TPRG1: variants seen among roughly 807,000 people sequenced by gnomAD.
TPRG1 encodes the protein tumor protein p63 regulated 1.
In TPRG1, 29 loss-of-function variants were observed where a neutral mutation model predicts 29.3. The ratio of observed to expected loss-of-function variants is 0.99; its 90% CI spans 0.74 to 1.35. TPRG1 has a LOEUF of 1.35. TPRG1 is among the 40% of genes most tolerant of loss of function. The pLI, the probability that TPRG1 is intolerant of heterozygous loss-of-function variation, is 0.00. For synonymous variants in TPRG1, 130 were observed against 116.8 expected (o/e 1.11, Z -0.73); for missense variants, 327 against 335.0 (o/e 0.98, Z 0.19).
intron 4 of TPRG1, among the ~76,000 whole-genome samples, chr3:189,072,410 AAAAC>A (rs1044749999): frequency 5.3e-5 from 8 of 152,314 alleles, no homozygotes; most frequent in African/African-American, 1.7e-4. Context: ...ATAATTTTGA[AAAAC>A]AAAGCTCAGA....
intron 3 of TPRG1, among the ~76,000 whole-genome samples, chr3:189,224,493 AC>A (rs1476366398): frequency 0.014 from 2,085 of 151,974 alleles, 48 homozygotes; most frequent in African/African-American, 0.049. Flanking sequence ...AACAACAACA[AC>A]AACAAAAAAA....
chr3:189,233,350 T>A (rs970539629), intron 3 of TPRG1, among the ~76,000 whole-genome samples: 1 of 152,114 alleles, frequency 6.6e-6, no homozygotes, highest in Non-Finnish European at 1.5e-5. Context: ...GGAGGGCATC[T>A]GTGATGATTT....
chr3:189,234,211 C>A (rs966018806), intron 3 of TPRG1, among the ~76,000 whole-genome samples: 1 of 152,034 alleles, frequency 6.6e-6, no homozygotes, highest in African/African-American at 2.4e-5. Flanking sequence ...AAGATATTAG[C>A]CACTTGTGGG....
intron 1 of TPRG1, among the ~76,000 whole-genome samples, chr3:189,179,219 C>T (rs1430558961): frequency 6.6e-6 from 1 of 152,162 alleles, no homozygotes; most frequent in East Asian, 1.9e-4. Context: ...TGCAACCATA[C>T]ATTTCTGGGT....
chr3:189,023,907 C>T (rs564861846), exon 4 of TPRG1: 2 of 152,340 alleles, frequency 1.3e-5, no homozygotes, highest in South Asian at 4.1e-4. Flanking sequence ...CTGTTGCTGG[C>T]CTGAATACAC....
intron 4 of TPRG1, among the ~76,000 whole-genome samples, chr3:189,286,833 T>G (rs920722009): frequency 6.6e-6 from 1 of 152,148 alleles, no homozygotes; most frequent in East Asian, 1.9e-4. Context: ...CTTCCTACTT[T>G]CTTTTCTTTA....
intron 4 of TPRG1, among the ~76,000 whole-genome samples, chr3:189,093,544 A>G (rs1270112345): frequency 6.6e-6 from 1 of 152,140 alleles, no homozygotes. Flanking sequence ...CGGGGATTTT[A>G]TTAGCAATAT....
At chr3:189,264,839 A>G (rs1016868457) in intron 4 of TPRG1, among the ~76,000 whole-genome samples, 1 of 152,080 alleles carries the variant, frequency 6.6e-6, no homozygotes, top group African/African-American at 2.4e-5. Flanking sequence ...ATCCCACAGT[A>G]TTTTTCTTCT....
chr3:189,207,147 C>A (rs1001058512), intron 1 of TPRG1: 2 of 983,630 alleles, frequency 2.0e-6, no homozygotes, highest in East Asian at 2.3e-4. Context: ...TTTCTCTGTC[C>A]GGAGAGTCTC....
intron 3 of TPRG1, among the ~76,000 whole-genome samples, chr3:189,013,702 C>T (rs1411569995): frequency 6.6e-6 from 1 of 152,076 alleles, no homozygotes; most frequent in South Asian, 2.1e-4. Context: ...TCTGGGTGCT[C>T]CTGTATTTGG....
chr3:189,075,293 C>G (rs532967353), intron 4 of TPRG1, among the ~76,000 whole-genome samples: 52 of 151,966 alleles, frequency 3.4e-4, no homozygotes, highest in Non-Finnish European at 1.0e-4. Context: ...CCACCATGCC[C>G]GGCTAATTTT....
chr3:189,105,088 C>T (rs969692445), intron 1 of TPRG1, among the ~76,000 whole-genome samples: 2 of 151,994 alleles, frequency 1.3e-5, no homozygotes, highest in Admixed American at 6.6e-5. Context: ...TTGTAGAAAC[C>T]GTTTATAGTT....
intron 4 of TPRG1, among the ~76,000 whole-genome samples, chr3:189,242,992 A>G (rs955801315): frequency 1.3e-5 from 2 of 152,196 alleles, no homozygotes; most frequent in African/African-American, 2.4e-5. Flanking sequence ...TTTAATGTCC[A>G]TAAGATATTT....
intron 5 of TPRG1, among the ~76,000 whole-genome samples, chr3:189,152,574 C>T (rs563153637): frequency 6.6e-6 from 1 of 151,790 alleles, no homozygotes; most frequent in African/African-American, 2.4e-5. Context: ...AGTAGGATTG[C>T]TACCAGCCAT....
At chr3:189,187,070 C>T (rs182424173) in intron 1 of TPRG1, among the ~76,000 whole-genome samples, 17 of 140,602 alleles carry the variant, frequency 1.2e-4, no homozygotes, top group African/African-American at 4.5e-4. Context: ...CACTGCAACA[C>T]TTGCCTCTCA....
chr3:189,017,894 G>A (rs963691001), intron 3 of TPRG1, among the ~76,000 whole-genome samples: 1 of 151,500 alleles, frequency 6.6e-6, no homozygotes, highest in African/African-American at 2.4e-5. Context: ...GGCACCTGTT[G>A]TTTCCTGACT....
intron 1 of TPRG1, among the ~76,000 whole-genome samples, chr3:189,195,504 C>T (rs749207606): frequency 3.0e-4 from 45 of 152,224 alleles, no homozygotes; most frequent in Middle Eastern, 3.4e-3. Flanking sequence ...TAAAGGAGAG[C>T]CATGACTACT....
At chr3:189,077,422 G>A (rs1717252691) in intron 4 of TPRG1, among the ~76,000 whole-genome samples, 1 of 151,974 alleles carries the variant, frequency 6.6e-6, no homozygotes, top group East Asian at 1.9e-4. Flanking sequence ...TAGTTAGTTT[G>A]CCTAACTAAC....
chr3:189,289,578 C>A (rs1345472258), intron 4 of TPRG1, among the ~76,000 whole-genome samples: 1 of 152,132 alleles, frequency 6.6e-6, no homozygotes, highest in African/African-American at 2.4e-5. Context: ...CTTTTGGTTT[C>A]TTCACCTGTA....
Sources: allele counts gnomAD v4.1 joint callset (sites outside exome capture counted in the v4.1 genomes callset), GRCh38; gene constraint gnomAD v4.1.1; transcripts MANE v1.5; gene names NCBI Gene and HGNC (gene_info 2026-07-23, HGNC 2026-07-21).